MYO6: variants seen among roughly 807,000 people sequenced by gnomAD.
MYO6 encodes myosin VI.
Under a neutral mutation model 178.7 loss-of-function variants are expected in MYO6, and 74 were observed. The observed-to-expected ratio is 0.41, with a 90% CI of 0.34 to 0.50. The LOEUF (loss-of-function observed/expected upper bound fraction) is 0.50, where lower values mean the gene tolerates loss of function less well. Ranked by LOEUF, MYO6 falls within the 20% of genes least tolerant of loss-of-function variation. MYO6 has a pLI of 0.09. For synonymous variants in MYO6, 477 were observed against 504.6 expected (o/e 0.95, Z 0.73); for missense variants, 1,330 against 1,547.4 (o/e 0.86, Z 2.36).
intron 30 of MYO6, among the ~76,000 whole-genome samples, chr6:75,899,944 T>G (rs951820909): frequency 7.0e-6 from 1 of 142,812 alleles, no homozygotes; most frequent in African/African-American, 2.6e-5. Context: ...GTCCATGTGT[T>G]CTCATTGTTC....
At position 75,919,202 on chromosome 6, in the gene MYO6, TG is replaced by T. The variant is rs1390991038; in HGVS notation, c.*4191del. ...ATAGTGGTAAAATGTGGGCTTTTAG[TG>T]TACCTAACACCCAGAGAAGCATACA... On this transcript the variant is annotated 3_prime_UTR_variant, in exon 35 of 35. Coordinates refer to ENST00000369977, the MANE Select transcript of MYO6 (RefSeq NM_004999.4). 1.3e-5 allele frequency: 2 copies of T among 152,166 alleles called. No homozygotes were observed. The highest frequency in any genetic ancestry group is 4.8e-5 in the African/African-American group (2 of 41,444). 9.4% of individuals were successfully genotyped at this position (152,166 alleles called of 1,614,324 possible).
At position 75,886,874 on chromosome 6, in the gene MYO6, G is replaced by GA. The variant is rs1562286077; in HGVS notation, c.2544dup (p.Arg849ThrfsTer3). 6.2e-7 allele frequency: 1 copy of GA among 1,610,910 alleles called. No homozygotes were observed. ...ATGGTCTGGTTAAGGTGGGCACACT[G>GA]AAAAAACGACTTGATAAATTTAATG... On this transcript the variant is annotated frameshift_variant, in exon 25 of 35. Coordinates refer to ENST00000369977, the MANE Select transcript of MYO6 (RefSeq NM_004999.4). LOFTEE classifies it high-confidence loss of function.
chr6:75,885,894 G>A (rs1442161039), intron 23 of MYO6, 110 bp from the exon 24 acceptor site: 3 of 704,752 alleles, frequency 4.3e-6, no homozygotes, highest in South Asian at 1.7e-5. Context: ...TAATATGGTC[G>A]TCAAGATTTC....
chr6:75,791,694 C>T (rs570273215), intron 1 of MYO6, among the ~76,000 whole-genome samples: 1 of 152,270 alleles, frequency 6.6e-6, no homozygotes, highest in Admixed American at 6.5e-5. Flanking sequence ...TGTTTGAATA[C>T]TTGTGAAGCA....
At chr6:75,873,456 G>C (rs547920114) in intron 20 of MYO6, among the ~76,000 whole-genome samples, 156 bp downstream of exon 20, 5 of 152,214 alleles carry the variant, frequency 3.3e-5, no homozygotes, top group African/African-American at 7.2e-5. Flanking sequence ...GAAAAGTATA[G>C]AGCCACATGT....
chr6:75,756,893 G>GTGTA (rs33979235), intron 1 of MYO6, among the ~76,000 whole-genome samples: 15,679 of 79,746 alleles, frequency 0.2, 1,628 homozygotes, highest in Non-Finnish European at 0.28. Context: ...TGTTGTGTGT[G>GTGTA]TATATATATA....
chr6:75,799,739 G>A (rs968727143), intron 1 of MYO6, among the ~76,000 whole-genome samples: 1 of 152,020 alleles, frequency 6.6e-6, no homozygotes, highest in Admixed American at 6.6e-5. Flanking sequence ...TGTTTTTTGA[G>A]CCTAAGTTAG....
At position 75,866,685 on chromosome 6, in the gene MYO6, G is replaced by C. The variant is rs1776732971; in HGVS notation, c.1770+64G>C. 2.9e-6 allele frequency: 4 copies of C among 1,357,806 alleles called. No individual in the cohort carries two copies. In the African/African-American group the frequency reaches 4.3e-5, roughly 15 times the overall value. 84.1% of individuals were successfully genotyped at this position (1,357,806 alleles called of 1,614,324 possible). ...TGAAGCTGCACTGTACAGTATGATA[G>C]CTTCTAGTCACGTGGTTATTAATTA... On this transcript the variant is annotated intron_variant, in intron 17 of 34. Transcript: ENST00000369977.
At chr6:75,802,722 A>G (rs970673302) in intron 1 of MYO6, among the ~76,000 whole-genome samples, 13 of 152,016 alleles carry the variant, frequency 8.6e-5, no homozygotes, top group African/African-American at 3.1e-4. Flanking sequence ...CTTGGGCTCA[A>G]GCAATCTCTC....
chr6:75,896,305 GTTTA>G (rs1294489371), intron 29 of MYO6, among the ~76,000 whole-genome samples: 1 of 152,206 alleles, frequency 6.6e-6, no homozygotes, highest in African/African-American at 2.4e-5. Flanking sequence ...ATAATAAAAT[GTTTA>G]TTTAATATGA....
At chr6:75,790,467 C>T (rs771845386) in intron 1 of MYO6, among the ~76,000 whole-genome samples, 1 of 151,614 alleles carries the variant, frequency 6.6e-6, no homozygotes, top group African/African-American at 2.4e-5. Flanking sequence ...CTGCAACCTC[C>T]GCCTCGTGGG....
intron 1 of MYO6, among the ~76,000 whole-genome samples, chr6:75,794,124 G>A (rs980948149): frequency 5.3e-5 from 8 of 152,050 alleles, no homozygotes; most frequent in Non-Finnish European, 7.4e-5. Flanking sequence ...TTCCCAAGAC[G>A]GTGGAATAAA....
At chr6:75,840,802 A>G (rs1351079033) in intron 8 of MYO6, 120 bp downstream of exon 8, 1 of 778,410 alleles carries the variant, frequency 1.3e-6, no homozygotes, top group African/African-American at 1.7e-5. Context: ...GTTACTTTAG[A>G]TGGTTGCAGG....
chr6:75,885,892 T>C, intron 23 of MYO6, 112 bp from the exon 24 acceptor site: 1 of 694,342 alleles, frequency 1.4e-6, no homozygotes, highest in East Asian at 2.8e-5. Context: ...AATAATATGG[T>C]CGTCAAGATT....
rs1188584792 is a variant in MYO6, at chr6:75,916,775, A to C, written c.*1763A>C. The C allele has an allele frequency of 6.6e-6, 1 of 152,202 alleles. No homozygotes were observed. The highest frequency in any genetic ancestry group is 1.5e-5 in the Non-Finnish European group (1 of 68,042). The allele number at this position is 152,202 out of a possible 1,614,324, so 9.4% of individuals were successfully genotyped here. A position where few individuals can be genotyped will look rare whatever the true frequency, so the allele number is the denominator to read the frequency against. Reference sequence around the variant, plus strand: ...ATAGTTTTGTGTATCTTTTAGATACATTAATAGGCACTAGATGGAAAATTA... The same window carrying C: ...ATAGTTTTGTGTATCTTTTAGATACCTTAATAGGCACTAGATGGAAAATTA... On this transcript the variant is annotated 3_prime_UTR_variant, in exon 35 of 35. Coordinates refer to ENST00000369977, the MANE Select transcript of MYO6 (RefSeq NM_004999.4).
chr6:75,892,495 G>C, intron 27 of MYO6, 35 bp from the exon 28 acceptor site: 1 of 1,613,774 alleles, frequency 6.2e-7, no homozygotes, highest in Non-Finnish European at 8.5e-7. Flanking sequence ...AACAAGTGAA[G>C]AACTCTTGGT....
intron 1 of MYO6, among the ~76,000 whole-genome samples, chr6:75,767,658 A>G (rs923960157): frequency 1.3e-4 from 19 of 151,362 alleles, no homozygotes; most frequent in African/African-American, 4.6e-4. Flanking sequence ...AACTGAGACT[A>G]CAGGTGCGCA....
intron 20 of MYO6, among the ~76,000 whole-genome samples, chr6:75,875,775 C>T (rs1777526591): frequency 6.6e-6 from 1 of 152,184 alleles, no homozygotes; most frequent in African/African-American, 2.4e-5. Flanking sequence ...CTGTCACCAT[C>T]TCTTACCTGG....
chr6:75,800,315 A>T (rs1481182731), intron 1 of MYO6, among the ~76,000 whole-genome samples: 1 of 152,166 alleles, frequency 6.6e-6, no homozygotes, highest in East Asian at 1.9e-4. Flanking sequence ...AATTAAGAGG[A>T]GACAGGACCT....
Sources: allele counts gnomAD v4.1 joint callset (sites outside exome capture counted in the v4.1 genomes callset), GRCh38; gene constraint gnomAD v4.1.1; transcripts MANE v1.5; gene names NCBI Gene and HGNC (gene_info 2026-07-23, HGNC 2026-07-21).